The following CC2D2B variants were observed in gnomAD, a reference collection of about 807,000 sequenced individuals.
CC2D2B encodes coiled-coil and C2 domain containing 2B.
In CC2D2B, 128 loss-of-function variants were observed where a neutral mutation model predicts 161.2. The ratio of observed to expected loss-of-function variants is 0.79; its 90% CI spans 0.69 to 0.92. The LOEUF is 0.92. Ranked by LOEUF, CC2D2B falls within the 40% of genes least tolerant of loss-of-function variation. The probability of loss-of-function intolerance (pLI) is 0.00; values close to 1 mark genes in which losing one functional copy is unlikely to be tolerated. For synonymous variants in CC2D2B, 391 were observed against 449.8 expected (o/e 0.87, Z 1.65); for missense variants, 1,173 against 1,375.1 (o/e 0.85, Z 2.32).
chr10:95,910,041 A>G (rs1466122986), intron 1 of CC2D2B, among the ~76,000 whole-genome samples: 1 of 152,182 alleles, frequency 6.6e-6, no homozygotes, highest in African/African-American at 2.4e-5. Context: ...CTGTAGTCCT[A>G]GCTACTCAAG....
chr10:95,954,848 T>C (rs1300156720), intron 10 of CC2D2B, among the ~76,000 whole-genome samples: 1 of 152,138 alleles, frequency 6.6e-6, no homozygotes, highest in East Asian at 1.9e-4. Context: ...ACGTCTCCTT[T>C]ATGTGTTTTA....
rs2077808206 is a variant in CC2D2B at position 95,988,241 on chromosome 10, T to C, written c.2287-9T>C. The C allele has an allele frequency of 2.7e-6, 3 of 1,129,402 alleles. No homozygotes were observed. The highest frequency in any genetic ancestry group is 2.2e-6 in the Non-Finnish European group (2 of 892,990). 70.0% of individuals were successfully genotyped at this position (1,129,402 alleles called of 1,614,324 possible). On this transcript the variant is annotated splice_polypyrimidine_tract_variant and intron_variant, in intron 19 of 34. Coordinates refer to ENST00000646931, the MANE Select transcript of CC2D2B (RefSeq NM_001349008.3). ...ATTCAAGAAGTGAAACTAACAATTC[T>C]GTATTTAGGAGTATGAAAGTCAGAA...
Position 96,027,133 on chromosome 10 carries a change from A to AG in CC2D2B, c.3948-79_3948-78insG. On this transcript the variant is annotated intron_variant, in intron 33 of 34. Coordinates refer to ENST00000646931, the MANE Select transcript of CC2D2B (RefSeq NM_001349008.3). ...AGCGAGACTTCGTCTCAAAAAAAAA[A>AG]AAAAGTCACAAAACTCTTATTATAT... is the stretch of plus-strand genomic sequence containing the variant. The AG allele has an allele frequency of 1.2e-5, 14 of 1,142,940 alleles. No homozygotes were observed. The East Asian group carries it at 2.4e-4, about 19-fold the overall frequency. The allele number at this position is 1,142,940 out of a possible 1,614,324, so 70.8% of individuals were successfully genotyped here.
At chr10:95,934,461 A>C (rs1382081438) in intron 6 of CC2D2B, among the ~76,000 whole-genome samples, 1 of 151,890 alleles carries the variant, frequency 6.6e-6, no homozygotes, top group African/African-American at 2.4e-5. Flanking sequence ...AAACAAACAA[A>C]CAAAAAAACC....
intron 31 of CC2D2B, 59 bp from the exon 32 acceptor site, chr10:96,019,643 C>A: frequency 6.7e-7 from 1 of 1,491,570 alleles, no homozygotes; most frequent in Admixed American, 2.5e-5. Context: ...CCTTCCTTAC[C>A]AACAATGGGC....
chr10:95,963,581 T>G (rs2076840114), intron 12 of CC2D2B, among the ~76,000 whole-genome samples: 1 of 151,970 alleles, frequency 6.6e-6, no homozygotes, highest in Non-Finnish European at 1.5e-5. Context: ...GAGAATAAGA[T>G]GAGGAGAGAC....
intron 30 of CC2D2B, among the ~76,000 whole-genome samples, chr10:96,016,814 G>A (rs760935742): frequency 3.8e-4 from 58 of 152,200 alleles, no homozygotes; most frequent in Middle Eastern, 3.4e-3. Context: ...TCTGCCTCCC[G>A]CGTTCTAGTG....
intron 5 of CC2D2B, among the ~76,000 whole-genome samples, chr10:95,926,821 T>C (rs987935837): frequency 1.6e-5 from 2 of 122,240 alleles, no homozygotes; most frequent in East Asian, 4.0e-4. Flanking sequence ...TGGCAGTGTG[T>C]GTGTGTGTGT....
At chr10:95,936,172 T>G (rs1464020338) in intron 6 of CC2D2B, among the ~76,000 whole-genome samples, 1 of 152,016 alleles carries the variant, frequency 6.6e-6, no homozygotes. Flanking sequence ...AGATATTAGG[T>G]CAGTAGGAGT....
chr10:95,993,672 C>A (rs2078040083), intron 22 of CC2D2B, among the ~76,000 whole-genome samples: 1 of 145,670 alleles, frequency 6.9e-6, no homozygotes. Flanking sequence ...CTATAAGCAT[C>A]ATGCTGCTAA....
Position 96,019,700 on chromosome 10 carries a change from A to T in CC2D2B, c.3766-2A>T. On this transcript the variant is annotated splice_acceptor_variant, in intron 31 of 34. Transcript: ENST00000646931. LOFTEE classifies it high-confidence loss of function. ...ACTAATGTTATATTAATGTTTTCATAGGTCTGGTTTAATATTCAACAAAAT... is the reference window on the plus strand; with the variant it reads ...ACTAATGTTATATTAATGTTTTCATTGGTCTGGTTTAATATTCAACAAAAT... The T allele has an allele frequency of 6.4e-7, 1 of 1,569,934 alleles. No homozygotes were observed. The highest frequency in any genetic ancestry group is 8.6e-7 in the Non-Finnish European group (1 of 1,164,602).
chr10:95,967,278 C>A (rs2076972010), intron 14 of CC2D2B, among the ~76,000 whole-genome samples: 1 of 151,704 alleles, frequency 6.6e-6, no homozygotes, highest in Admixed American at 6.6e-5. Flanking sequence ...TATAAAAAGA[C>A]TATCTAAACA....
chr10:95,925,907 T>A (rs1170184971), intron 5 of CC2D2B, among the ~76,000 whole-genome samples: 1 of 152,166 alleles, frequency 6.6e-6, no homozygotes, highest in African/African-American at 2.4e-5. Flanking sequence ...GGAAGAAGTG[T>A]CTAGGTTCTA....
rs1340527310 is a variant in CC2D2B, at chr10:96,015,206, A to T, written c.3517-995A>T. ...CAGCCTCCTGAGTAGCTGGAATTAC[A>T]GGCACGCACCACCAGGCCCAGCTAA... On this transcript the variant is annotated intron_variant, in intron 29 of 34. Transcript: ENST00000646931. Among the ~76,000 whole-genome samples, 6 of 149,408 alleles carry T rather than the reference A, an allele frequency of 4.0e-5. No individual in the cohort carries two copies. The South Asian group carries it at 1.1e-3, about 26-fold the overall frequency.
At chr10:95,930,768 G>A (rs2098548623) in intron 6 of CC2D2B, among the ~76,000 whole-genome samples, 1 of 152,138 alleles carries the variant, frequency 6.6e-6, no homozygotes, top group South Asian at 2.1e-4. Context: ...TTTTTGAGGT[G>A]GTGTTGGACT....
rs2098541087 is a variant in CC2D2B, at chr10:95,927,268, A to ACTGGT, written c.272_273insCTGGT (p.Glu91AspfsTer3). ...CCACAGACTGAAGTCTCATTGGATG[A>ACTGGT]AAGTCTTTCATTTTTCATTCTGAGT... On this transcript the variant is annotated frameshift_variant, in exon 6 of 35. Transcript: ENST00000646931. LOFTEE classifies it high-confidence loss of function. 1 of 1,550,828 alleles carries ACTGGT rather than the reference A, an allele frequency of 6.4e-7. No homozygotes were observed. The highest frequency in any genetic ancestry group is 8.7e-7 in the Non-Finnish European group (1 of 1,146,028).
intron 9 of CC2D2B, among the ~76,000 whole-genome samples, chr10:95,943,433 G>A (rs1025509604): frequency 2.6e-5 from 4 of 152,092 alleles, no homozygotes; most frequent in African/African-American, 9.7e-5. Context: ...TGGATTTTTG[G>A]TTTTGCTGTC....
At chr10:95,927,686 TTTTCTTTC>T (rs921513252) in intron 6 of CC2D2B, among the ~76,000 whole-genome samples, 10 of 151,734 alleles carry the variant, frequency 6.6e-5, no homozygotes, top group African/African-American at 1.5e-4. Context: ...GTGTTTTCTT[TTTTCTTTC>T]TTTCTTTCTT....
chr10:96,025,170 T>TATAAAAAAAAA (rs2079662066), intron 33 of CC2D2B, among the ~76,000 whole-genome samples: 1 of 19,324 alleles, frequency 5.2e-5, no homozygotes, highest in African/African-American at 2.1e-4. Flanking sequence ...TATATATATA[T>TATAAAAAAAAA]ATATATATAT....
Sources: gnomAD v4.1 joint callset for allele counts (sites outside exome capture counted in the v4.1 genomes callset) on GRCh38, gnomAD v4.1.1 for gene constraint, MANE v1.5 for transcripts, NCBI Gene and HGNC (gene_info 2026-07-23, HGNC 2026-07-21) for gene names.